CASZ1: variants seen among roughly 807,000 people sequenced by gnomAD.
The protein encoded by CASZ1 is zinc finger protein castor homolog 1.
In CASZ1, 28 loss-of-function variants were observed where a neutral mutation model predicts 135.2. The ratio of observed to expected loss-of-function variants is 0.21; its 90% confidence interval spans 0.15 to 0.28. The LOEUF (loss-of-function observed/expected upper bound fraction) is 0.28, where lower values mean the gene tolerates loss of function less well. Among genes scored for constraint, CASZ1 ranks in the 10% least tolerant of loss-of-function variants. The pLI is 1.00. For missense variants in CASZ1, 2,161 were observed against 2,453.3 expected (o/e 0.88, Z 2.52); for synonymous variants, 1,068 against 1,073.4 (o/e 0.99, Z 0.10).
intron 4 of CASZ1, among the ~76,000 whole-genome samples, chr1:10,681,111 G>A (rs532710088): frequency 5.9e-5 from 9 of 152,186 alleles, no homozygotes; most frequent in Admixed American, 1.3e-4. Context: ...ATGTTGGCCC[G>A]GCTGGTTTCG....
At chr1:10,659,593 G>A in intron 6 of CASZ1, 109 bp downstream of exon 6, 1 of 818,184 alleles carries the variant, frequency 1.2e-6, no homozygotes, top group Non-Finnish European at 2.1e-6. Flanking sequence ...TGTGTATAAG[G>A]TGTGAGCGGC....
At chr1:10,715,992 G>A (rs1218264636) in intron 2 of CASZ1, among the ~76,000 whole-genome samples, 32 of 68,166 alleles carry the variant, frequency 4.7e-4, no homozygotes, top group Non-Finnish European at 6.9e-4. Context: ...CACCCAATCC[G>A]CTCCCCACAG....
At chr1:10,786,447 G>A (rs1333221662) in intron 1 of CASZ1, among the ~76,000 whole-genome samples, 1 of 152,052 alleles carries the variant, frequency 6.6e-6, no homozygotes, top group Non-Finnish European at 1.5e-5. Flanking sequence ...CTGCACTAGG[G>A]GCCCAGCTCC....
In CASZ1 at chr1:10,717,203, G is replaced by A. The variant is rs284233; in HGVS notation, c.-76-11659C>T. Among the ~76,000 whole-genome samples, 33,975 of 151,892 alleles carry A rather than the reference G, an allele frequency of 0.22. 5,667 individuals carry two copies. Among genetic ancestry groups the A allele is most frequent in the African/African-American group, 0.45 (18,804 of 41,344 alleles). ...TTTACCTAATGACAGAAAAATCTAC[G>A]AACGCCTGCCTATCAGCACTTTCCA... On this transcript the variant is annotated intron_variant, in intron 2 of 20. Transcript: ENST00000377022. This position sits in a 1 kb window ranked among gnomAD's most constrained non-coding sequence, Gnocchi z 4.6.
intron 1 of CASZ1, among the ~76,000 whole-genome samples, chr1:10,766,639 C>A (rs1396215646): frequency 6.6e-6 from 1 of 152,136 alleles, no homozygotes; most frequent in African/African-American, 2.4e-5. Flanking sequence ...TGCTGTCAAG[C>A]ATTTGATAAA....
intron 2 of CASZ1, among the ~76,000 whole-genome samples, chr1:10,749,157 C>G (rs1052505051): frequency 6.6e-6 from 1 of 152,208 alleles, no homozygotes; most frequent in Non-Finnish European, 1.5e-5. Flanking sequence ...CTCATAGACA[C>G]AGCCAGATGG....
Position 10,659,811 on chromosome 1 carries a change from C to CGGGGGCGCT in CASZ1, c.1222_1230dup (p.Ser408_Pro410dup). 4.3e-6 allele frequency: 7 copies of CGGGGGCGCT among 1,612,442 alleles called. No individual in the cohort carries two copies. The highest frequency in any genetic ancestry group is 4.2e-6 in the Non-Finnish European group (5 of 1,179,538). ...GAGGCAGGAGGCTCTGGCCCTGGCCCGGGGGCGCTGGGGGCACTGGGCACG... is the reference window on the plus strand; with the variant it reads ...GAGGCAGGAGGCTCTGGCCCTGGCCCGGGGGCGCTGGGGGCGCTGGGGGCACTGGGCACG... On this transcript the variant is annotated inframe_insertion, in exon 6 of 21. Transcript: ENST00000377022.
rs937107916 is a variant in CASZ1 at position 10,701,280 on chromosome 1, C to G, written c.-24+4212G>C. 6.6e-6 allele frequency among the ~76,000 whole-genome samples: 1 copy of G among 152,154 alleles called. No homozygotes were observed. Among genetic ancestry groups the G allele is most frequent in the Non-Finnish European group, 1.5e-5 (1 of 68,010 alleles). On this transcript the variant is annotated intron_variant, in intron 3 of 20. Coordinates refer to ENST00000377022, the MANE Select transcript of CASZ1 (RefSeq NM_001079843.3). The surrounding 1 kb of genome is among the most constrained non-coding windows in gnomAD (Gnocchi z 6.3). ...CTGCCCACCGTGGCAGCCGGGTTCCCGTGCGCACTCTCCCTGTCTCGCAGA... is the reference window on the plus strand; with the variant it reads ...CTGCCCACCGTGGCAGCCGGGTTCCGGTGCGCACTCTCCCTGTCTCGCAGA...
At chr1:10,680,285 T>TGGGGGGGG (rs1557500162) in intron 4 of CASZ1, among the ~76,000 whole-genome samples, 1 of 92,670 alleles carries the variant, frequency 1.1e-5, no homozygotes, top group Non-Finnish European at 2.1e-5. Context: ...CGGCGGGGGA[T>TGGGGGGGG]GGTGGAGGGG....
intron 2 of CASZ1, among the ~76,000 whole-genome samples, chr1:10,716,267 C>CCCACAGCACCCAATCCACACT (rs1639391690): frequency 6.6e-6 from 1 of 151,878 alleles, no homozygotes; most frequent in Non-Finnish European, 1.5e-5. Flanking sequence ...CAATCCCCAC[C>CCCACAGCACCCAATCCACACT]CCACAGCACC....
intron 2 of CASZ1, among the ~76,000 whole-genome samples, chr1:10,716,125 C>G (rs111203729): frequency 2.8e-5 from 4 of 144,486 alleles, no homozygotes; most frequent in African/African-American, 2.6e-5. Context: ...CCACACCCCA[C>G]AGCACCCAAT....
intron 2 of CASZ1, among the ~76,000 whole-genome samples, chr1:10,758,237 G>A (rs901199381): frequency 6.6e-6 from 1 of 151,496 alleles, no homozygotes; most frequent in Non-Finnish European, 1.5e-5. Context: ...ACGCTGCCTC[G>A]CCTACCAGAC....
Position 10,767,293 on chromosome 1 carries a change from A to G in CASZ1, c.-233-6436T>C, listed in dbSNP as rs1193654038. ...CCTCTACCCAGGCAGGCATCTCCAGAATCAGGAAGTCCCTGGAGGGCAGGC... is the reference window on the plus strand; with the variant it reads ...CCTCTACCCAGGCAGGCATCTCCAGGATCAGGAAGTCCCTGGAGGGCAGGC... On this transcript the variant is annotated intron_variant, in intron 1 of 20. Coordinates refer to ENST00000377022, the MANE Select transcript of CASZ1 (RefSeq NM_001079843.3). This position sits in a 1 kb window ranked among gnomAD's most constrained non-coding sequence, Gnocchi z 4.2. Among the ~76,000 whole-genome samples the G allele has an allele frequency of 6.6e-6, 1 of 152,198 alleles. No individual in the cohort carries two copies. Among genetic ancestry groups the G allele is most frequent in the Non-Finnish European group, 1.5e-5 (1 of 68,018 alleles).
Position 10,707,343 on chromosome 1 carries a change from G to T in CASZ1, c.-76-1799C>A, listed in dbSNP as rs375668266. On this transcript the variant is annotated intron_variant, in intron 2 of 20. Coordinates refer to ENST00000377022, the MANE Select transcript of CASZ1 (RefSeq NM_001079843.3). The surrounding 1 kb of genome is among the most constrained non-coding windows in gnomAD (Gnocchi z 5.0). Reference sequence around the variant, plus strand: ...GACCGGAATGATAACGACTTGCAGCGCGGTGTTGCCGTCCCCAACCACCCC... The same window carrying T: ...GACCGGAATGATAACGACTTGCAGCTCGGTGTTGCCGTCCCCAACCACCCC... 2.0e-5 allele frequency among the ~76,000 whole-genome samples: 3 copies of T among 152,158 alleles called. No homozygotes were observed. Among genetic ancestry groups the T allele is most frequent in the Non-Finnish European group, 4.4e-5 (3 of 68,038 alleles).
chr1:10,780,183 C>T (rs772363602), intron 1 of CASZ1, among the ~76,000 whole-genome samples: 7 of 152,196 alleles, frequency 4.6e-5, no homozygotes, highest in Admixed American at 2.6e-4. Context: ...CTGAATATCT[C>T]AAAGCACTTA....
Position 10,650,703 on chromosome 1 carries a change from G to C in CASZ1, c.2869C>G (p.Leu957Val). The C allele has an allele frequency of 6.2e-7, 1 of 1,613,782 alleles. No individual in the cohort carries two copies. Among genetic ancestry groups the C allele is most frequent in the South Asian group, 1.1e-5 (1 of 91,084 alleles). ...TGGATGGCTCTTACCTTATTCATAA[G>C]CGAGGATAAAAGAGATGAATTTGCC... ...VPANSSLLSS[L>V]MNKMSQGNPG... The change falls in exon 13 of 21, where the codon CTT becomes GTT. Residue 957 changes from leucine (L) to valine (V), a missense_variant. Physicochemically the swap from Leu to Val is conservative, Grantham distance 32. Around this residue, in one of 7 missense-constraint regions of CASZ1, gnomAD observed 406 missense variants for 387.6 expected, o/e 1.05. Coordinates refer to ENST00000377022, the MANE Select transcript of CASZ1 (RefSeq NM_001079843.3).
intron 4 of CASZ1, among the ~76,000 whole-genome samples, chr1:10,672,420 C>T (rs895112795): frequency 1.3e-4 from 19 of 151,236 alleles, no homozygotes; most frequent in African/African-American, 4.3e-4. Context: ...TTAATTATGG[C>T]GGGTGTCCTT....
Position 10,650,934 on chromosome 1 carries a change from G to A in CASZ1, c.2816+7C>T, listed in dbSNP as rs769409839. The A allele has an allele frequency of 6.9e-6, 11 of 1,605,774 alleles. No individual in the cohort carries two copies. Among genetic ancestry groups the A allele is most frequent in the South Asian group, 2.2e-5 (2 of 90,052 alleles). ...GGGGCTGGCTCCCATAGGGGGCCTC[G>A]CCTCACCTGGGCTCCTTCACAGTCA... On this transcript the variant is annotated splice_region_variant and intron_variant, in intron 12 of 20. Transcript: ENST00000377022.
chr1:10,770,843 C>T (rs1227097988), intron 1 of CASZ1, among the ~76,000 whole-genome samples: 9 of 152,194 alleles, frequency 5.9e-5, no homozygotes, highest in African/African-American at 1.4e-4. Flanking sequence ...TCTTTTACCT[C>T]GGATCACCCT....
Sources: allele counts gnomAD v4.1 joint callset (sites outside exome capture counted in the v4.1 genomes callset), GRCh38; gene constraint gnomAD v4.1.1; regional missense constraint gnomAD v4.1.1; non-coding constraint Gnocchi (gnomAD v3.1); transcripts MANE v1.5; gene names NCBI Gene and HGNC (gene_info 2026-07-23, HGNC 2026-07-21).